The following TOP3B variants were observed in gnomAD, a reference collection of about 807,000 sequenced individuals.
The protein encoded by TOP3B is DNA topoisomerase III beta.
In TOP3B, 45 loss-of-function variants were observed where a neutral mutation model predicts 93.9. The observed-to-expected ratio is 0.48, with a 90% confidence interval of 0.38 to 0.61. The LOEUF is 0.61. Ranked by LOEUF, TOP3B falls within the 20% of genes least tolerant of loss-of-function variation. The pLI, the probability that TOP3B is intolerant of heterozygous loss-of-function variation, is 0.00. For missense variants in TOP3B, 750 were observed against 1,156.1 expected, an observed-to-expected ratio of 0.65 and a Z score of 5.09; for synonymous variants, 357 against 472.6, an observed-to-expected ratio of 0.76 and a Z score of 3.17.
intron 1 of TOP3B, 174 bp from the exon 2 acceptor site, chr22:21,975,981 C>T (rs2071854045): frequency 3.4e-6 from 1 of 293,898 alleles, no homozygotes; most frequent in Non-Finnish European, 6.0e-6. Context: ...AAAAAACTAC[C>T]AGGTCAGCTG....
Position 21,963,158 on chromosome 22 carries a change from A to AC in TOP3B, c.1205-266dup. ...AGACCAGCCTGGCCAACATGGTGAA[A>AC]CCCCGTCTCTACTAAAAATACAAAG... On this transcript the variant is annotated intron_variant, in intron 11 of 17. Coordinates refer to ENST00000357179, the MANE Select transcript of TOP3B (RefSeq NM_001282112.2). This position sits in a 1 kb window ranked among gnomAD's most constrained non-coding sequence, Gnocchi z 4.8. 10 of 371,100 alleles carry AC rather than the reference A, an allele frequency of 2.7e-5. No homozygotes were observed. Among genetic ancestry groups the AC allele is most frequent in the Non-Finnish European group, 4.0e-5 (8 of 199,078 alleles). The allele number at this position is 371,100 out of a possible 1,614,324, so 23.0% of individuals were successfully genotyped here.
chr22:21,962,956 C>T (rs1180858967), intron 11 of TOP3B, 63 bp from the exon 12 acceptor site: 54 of 1,588,718 alleles, frequency 3.4e-5, no homozygotes, highest in Non-Finnish European at 4.6e-5. Context: ...GAGGAGCCCC[C>T]AGTACTCTCG....
intron 3 of TOP3B, 175 bp downstream of exon 3, chr22:21,974,181 TG>T (rs1360922014): frequency 6.9e-6 from 5 of 728,140 alleles, no homozygotes; most frequent in Non-Finnish European, 1.1e-5. Flanking sequence ...TTCCAGAGCC[TG>T]GGTTCTGGGC....
intron 16 of TOP3B, 139 bp from the exon 17 acceptor site, chr22:21,958,832 T>A: frequency 7.4e-7 from 1 of 1,352,470 alleles, no homozygotes; most frequent in Non-Finnish European, 9.8e-7. Flanking sequence ...AGCATGAGTC[T>A]CTGGCTCTTG....
At position 21,970,970 on chromosome 22, in the gene TOP3B, C is replaced by A; in HGVS notation, c.385-564G>T. 1 of 1,238,312 alleles carries A rather than the reference C, an allele frequency of 8.1e-7. No individual in the cohort carries two copies. 76.7% of individuals were successfully genotyped at this position (1,238,312 alleles called of 1,614,324 possible). A position where few individuals can be genotyped will look rare whatever the true frequency, so the allele number is the denominator to read the frequency against. On this transcript the variant is annotated intron_variant, in intron 5 of 17. Transcript: ENST00000357179. This position sits in a 1 kb window ranked among gnomAD's most constrained non-coding sequence, Gnocchi z 4.4. The stretch of plus-strand genomic sequence containing the variant: ...TAAAGCACAGCAGGGGTCCTGGAGC[C>A]GAGACTCACTAGGAAGGCCGTGCAG...
At chr22:21,968,462 G>T in intron 7 of TOP3B, 157 bp downstream of exon 7, 1 of 821,560 alleles carries the variant, frequency 1.2e-6, no homozygotes, top group Non-Finnish European at 1.9e-6. Flanking sequence ...TGAAGGCTGG[G>T]GTCCCTCAGC....
At chr22:21,968,862 G>A in intron 6 of TOP3B, 87 bp from the exon 7 acceptor site, 5 of 1,479,574 alleles carry the variant, frequency 3.4e-6, no homozygotes, top group South Asian at 1.2e-5. Context: ...AAGGCCAGGG[G>A]TGGTGCATGA....
intron 1 of TOP3B, among the ~76,000 whole-genome samples, chr22:21,981,376 C>T (rs2084628087): frequency 6.6e-6 from 1 of 152,188 alleles, no homozygotes; most frequent in East Asian, 1.9e-4. Flanking sequence ...TCTGTGAGCA[C>T]TCTGATGGAA....
intron 7 of TOP3B, 110 bp downstream of exon 7, chr22:21,968,509 C>T: frequency 3.5e-6 from 5 of 1,419,224 alleles, no homozygotes; most frequent in South Asian, 2.6e-5. Flanking sequence ...TACAGCCGTC[C>T]ACACTTCTGC....
intron 1 of TOP3B, among the ~76,000 whole-genome samples, chr22:21,980,732 C>G (rs1041334193): frequency 6.6e-6 from 1 of 152,228 alleles, no homozygotes. Context: ...CCTCCCTGTG[C>G]GCCAGCAGGC....
Position 21,981,931 on chromosome 22 carries a change from G to C in TOP3B, c.-99+799C>G, listed in dbSNP as rs937846857. On this transcript the variant is annotated intron_variant, in intron 1 of 17. Coordinates refer to ENST00000357179, the MANE Select transcript of TOP3B (RefSeq NM_001282112.2). ...AATGCTTCTAGAATCAGGAAAAGAG[G>C]GAAACAACCATTTCTTAAGCTCCTC... Among the ~76,000 whole-genome samples, 19 of 152,252 alleles carry C rather than the reference G, an allele frequency of 1.2e-4. No homozygotes were observed. In the East Asian group the frequency reaches 3.1e-3, roughly 25 times the overall value.
At chr22:21,974,142 T>C in intron 3 of TOP3B, 1 of 483,028 alleles carries the variant, frequency 2.1e-6, no homozygotes, top group African/African-American at 2.0e-5. Context: ...GACTAAGGGG[T>C]GCCGCTATGA....
At position 21,959,184 on chromosome 22, in the gene TOP3B, C is replaced by T. The variant is rs2071058780; in HGVS notation, c.1853G>A (p.Gly618Asp). 1.9e-6 allele frequency: 3 copies of T among 1,613,700 alleles called. No individual in the cohort carries two copies. Among genetic ancestry groups the T allele is most frequent in the South Asian group, 1.1e-5 (1 of 91,082 alleles). Residue 618 changes from glycine to aspartate, a missense_variant, in exon 16 of 18, where the codon GGC (glycine) becomes GAC (aspartate). Coordinates refer to ENST00000357179, the MANE Select transcript of TOP3B (RefSeq NM_001282112.2). ...EVSFSPLAAT[G>D]KPLSRCGKCH... is the part of the protein sequence containing the mutation. ...CTTCCCACAGCGTGAGAGGGGCTTGCCTGTGGCCGCCAGGGGCGAGAAAGA... is the reference window on the plus strand; with the variant it reads ...CTTCCCACAGCGTGAGAGGGGCTTGTCTGTGGCCGCCAGGGGCGAGAAAGA...
At chr22:21,965,420 C>T (rs1444335771) in intron 8 of TOP3B, 45 bp from the exon 9 acceptor site, 3 of 1,340,962 alleles carry the variant, frequency 2.2e-6, no homozygotes, top group Non-Finnish European at 1.0e-6. Context: ...AGGAAGACAC[C>T]ACCATAGAGG....
At position 21,974,378 on chromosome 22, in the gene TOP3B, C is replaced by T. The variant is rs1350908726; in HGVS notation, c.181G>A (p.Val61Met). 1.8e-5 allele frequency: 29 copies of T among 1,613,952 alleles called. No homozygotes were observed. Among genetic ancestry groups the T allele is most frequent in the African/African-American group, 2.7e-5 (2 of 74,916 alleles). Reference sequence around the variant, plus strand: ...TTACCCAGGAAATCCAGGGTCATCACGTGACCACAGACAGACGTCATCTTG... The same window carrying T: ...TTACCCAGGAAATCCAGGGTCATCATGTGACCACAGACAGACGTCATCTTG... ...RFKMTSVCGH[V>M]MTLDFLGKYN... Residue 61 changes from valine (V) to methionine (M), a missense_variant, in exon 3 of 18, where the codon GTG becomes ATG. Transcript: ENST00000357179.
At chr22:21,974,105 C>T (rs1451686288) in intron 3 of TOP3B, 3 of 375,960 alleles carry the variant, frequency 8.0e-6, no homozygotes, top group Non-Finnish European at 1.5e-5. Context: ...ACTTTGTCTA[C>T]ATAGGAAGGC....
intron 3 of TOP3B, 108 bp downstream of exon 3, chr22:21,974,249 G>A: frequency 7.2e-7 from 1 of 1,388,536 alleles, no homozygotes; most frequent in Non-Finnish European, 9.8e-7. Context: ...TATGACTCAT[G>A]GAGTTGGGAC....
chr22:21,960,240 C>A, intron 14 of TOP3B, 81 bp downstream of exon 14: 1 of 1,597,196 alleles, frequency 6.3e-7, no homozygotes. Flanking sequence ...AGGGGCCTGT[C>A]TGGAGCGGGC....
intron 1 of TOP3B, among the ~76,000 whole-genome samples, chr22:21,979,752 T>A (rs1471560935): frequency 1.3e-5 from 2 of 151,942 alleles, no homozygotes; most frequent in African/African-American, 4.8e-5. Flanking sequence ...CCATCCTGAC[T>A]AACGTGGTGA....
Sources: gnomAD v4.1 joint callset for allele counts (sites outside exome capture counted in the v4.1 genomes callset) on GRCh38, gnomAD v4.1.1 for gene constraint, Gnocchi (gnomAD v3.1) non-coding constraint, MANE v1.5 for transcripts, NCBI Gene and HGNC (gene_info 2026-07-23, HGNC 2026-07-21) for gene names.